Variants in MGAM2 observed in about 807,000 individuals in gnomAD.
MGAM2 encodes the protein maltase-glucoamylase 2 (putative).
MGAM2 carries 98 observed loss-of-function variants against 96.1 expected under a neutral mutation model. The ratio of observed to expected loss-of-function variants is 1.02; its 90% CI spans 0.87 to 1.21. The LOEUF is 1.21. Ranked by LOEUF, MGAM2 falls within the 50% of genes most tolerant of loss-of-function variation. The probability of loss-of-function intolerance (pLI) is 0.00; values close to 1 mark genes in which losing one functional copy is unlikely to be tolerated. For missense variants in MGAM2, 2,055 were observed against 1,182.4 expected, an observed-to-expected ratio of 1.74 and a Z score of -10.82; for synonymous variants, 749 against 414.8, an observed-to-expected ratio of 1.81 and a Z score of -9.79.
chr7:142,213,171 A>ACACATTTAAAGCAGT (rs1797644421), intron 46 of MGAM2, among the ~76,000 whole-genome samples: 1 of 152,158 alleles, frequency 6.6e-6, no homozygotes, highest in Admixed American at 6.5e-5. Flanking sequence ...AATCTCTGGG[A>ACACATTTAAAGCAGT]GTTTTCAGAG....
At chr7:142,121,535 G>A (rs1449019650) in intron 3 of MGAM2, among the ~76,000 whole-genome samples, 1 of 151,916 alleles carries the variant, frequency 6.6e-6, no homozygotes, top group Non-Finnish European at 1.5e-5. Flanking sequence ...ATGTTTTATT[G>A]CATGTGAATT....
chr7:142,138,739 T>G, intron 10 of MGAM2, 72 bp downstream of exon 10: 2 of 647,628 alleles, frequency 3.1e-6, no homozygotes, highest in Admixed American at 4.8e-5. Flanking sequence ...AAATTCAATG[T>G]ATTAGGAAAA....
intron 32 of MGAM2, among the ~76,000 whole-genome samples, chr7:142,178,994 GTTTTCC>G (rs1796459633): frequency 6.6e-6 from 1 of 151,928 alleles, no homozygotes; most frequent in Non-Finnish European, 1.5e-5. Flanking sequence ...TTGGTTAGAT[GTTTTCC>G]TAGGTATTCT....
intron 33 of MGAM2, among the ~76,000 whole-genome samples, chr7:142,184,801 T>C (rs778556551): frequency 6.6e-6 from 1 of 152,210 alleles, no homozygotes; most frequent in African/African-American, 2.4e-5. Context: ...ATCTGAGAAA[T>C]CACTCGAAAG....
intron 46 of MGAM2, among the ~76,000 whole-genome samples, chr7:142,216,816 C>T (rs1276406231): frequency 1.3e-5 from 2 of 152,198 alleles, no homozygotes; most frequent in Non-Finnish European, 2.9e-5. Flanking sequence ...TCTCTTCCTA[C>T]TGCAGCCATC....
At position 142,154,065 on chromosome 7, in the gene MGAM2, G is replaced by C; in HGVS notation, c.1682G>C (p.Arg561Pro). The change falls in exon 16 of 48, where the codon CGT becomes CCT. Residue 561 changes from arginine to proline, a missense_variant. Transcript: ENST00000477922. The stretch of plus-strand genomic sequence containing the variant: ...AATAATAGGAGCTTCATCTTATCCC[G>C]TTCTACTTTTGCTGGATCTGGCAAA... ...FMNNRSFILS[R>P]STFAGSGKFA... The C allele has an allele frequency of 1.4e-6, 1 of 694,970 alleles. No individual in the cohort carries two copies. Among genetic ancestry groups the C allele is most frequent in the Non-Finnish European group, 2.6e-6 (1 of 379,386 alleles). 43.1% of individuals were successfully genotyped at this position (694,970 alleles called of 1,614,324 possible). A position where few individuals can be genotyped will look rare whatever the true frequency, so the allele number is the denominator to read the frequency against.
At chr7:142,150,151 G>A (rs1213397256) in intron 15 of MGAM2, among the ~76,000 whole-genome samples, 3 of 151,788 alleles carry the variant, frequency 2.0e-5, no homozygotes, top group African/African-American at 7.2e-5. Context: ...ATGTTGGTCA[G>A]GCTAGTCTCA....
chr7:142,118,539 T>TGGA (rs890935074), intron 2 of MGAM2, among the ~76,000 whole-genome samples: 3 of 152,190 alleles, frequency 2.0e-5, no homozygotes, highest in Non-Finnish European at 2.9e-5. Context: ...AGATGGTTCA[T>TGGA]GGAGTCCATG....
intron 45 of MGAM2, among the ~76,000 whole-genome samples, chr7:142,207,418 A>G (rs559705926): frequency 3.3e-5 from 5 of 151,848 alleles, no homozygotes; most frequent in African/African-American, 1.2e-4. Context: ...TTATTTATTT[A>G]TTTATTTATT....
intron 6 of MGAM2, among the ~76,000 whole-genome samples, chr7:142,133,336 A>G (rs1290921388): frequency 6.7e-6 from 1 of 148,472 alleles, no homozygotes. Context: ...ATATTTATAC[A>G]CAGAAATATA....
intron 3 of MGAM2, among the ~76,000 whole-genome samples, chr7:142,127,417 C>T (rs115446000): frequency 1.6e-4 from 25 of 151,800 alleles, no homozygotes; most frequent in African/African-American, 5.8e-4. Context: ...TTTTTCATAA[C>T]ACTTCTCTTT....
At chr7:142,155,341 G>A (rs546375914) in intron 17 of MGAM2, among the ~76,000 whole-genome samples, 14 of 152,162 alleles carry the variant, frequency 9.2e-5, no homozygotes, top group South Asian at 2.1e-4. Context: ...CTTTAGGCTC[G>A]TCTACCCAAA....
At chr7:142,133,085 A>T (rs1278266700) in intron 6 of MGAM2, among the ~76,000 whole-genome samples, 1 of 133,980 alleles carries the variant, frequency 7.5e-6, no homozygotes, top group Non-Finnish European at 1.5e-5. Context: ...TATATTTAAT[A>T]TTTATTTAAT....
chr7:142,151,669 C>CT (rs1263696038), intron 15 of MGAM2, among the ~76,000 whole-genome samples: 1 of 152,146 alleles, frequency 6.6e-6, no homozygotes, highest in Non-Finnish European at 1.5e-5. Flanking sequence ...TTTCAAATTA[C>CT]TTTTTTGCCC....
intron 37 of MGAM2, among the ~76,000 whole-genome samples, chr7:142,192,990 A>G (rs1796919223): frequency 6.6e-6 from 1 of 152,140 alleles, no homozygotes; most frequent in Non-Finnish European, 1.5e-5. Flanking sequence ...AACAAACATT[A>G]GCAATATTTT....
chr7:142,220,891 C>A lies in MGAM2; in HGVS notation c.6380C>A (p.Thr2127Lys), dbSNP rs753004456. ...TVLIATTSSL[T>K]GTTDVSTSTT... ...CTTATTGCCACTACTTCTTCTCTAA[C>A]AGGTACTACTGATGTTAGCACTAGT... Residue 2127 changes from threonine to lysine, a missense_variant, in exon 48 of 48, where the codon ACA becomes AAA. Coordinates refer to ENST00000477922, the MANE Select transcript of MGAM2 (RefSeq NM_001293626.2). 16 of 701,950 alleles carry A rather than the reference C, an allele frequency of 2.3e-5. No individual in the cohort carries two copies. Among genetic ancestry groups the A allele is most frequent in the Non-Finnish European group, 3.1e-5 (12 of 384,744 alleles). 43.5% of individuals were successfully genotyped at this position (701,950 alleles called of 1,614,324 possible).
intron 7 of MGAM2, among the ~76,000 whole-genome samples, chr7:142,135,836 C>G (rs757612295): frequency 6.6e-6 from 1 of 151,492 alleles, no homozygotes; most frequent in Non-Finnish European, 1.5e-5. Context: ...CAGTTTTAAG[C>G]TTTTTTTTAA....
intron 20 of MGAM2, among the ~76,000 whole-genome samples, chr7:142,159,901 C>G (rs1554506722): frequency 6.6e-6 from 1 of 152,064 alleles, no homozygotes; most frequent in Non-Finnish European, 1.5e-5. Flanking sequence ...GGTAGCCTAG[C>G]AATTGAAGCC....
At chr7:142,147,320 T>C in intron 14 of MGAM2, 136 bp from the exon 15 acceptor site, 1 of 557,476 alleles carries the variant, frequency 1.8e-6, no homozygotes, top group Non-Finnish European at 3.2e-6. Context: ...TAGGATAGAA[T>C]TTAAAATCTG....
Sources: gnomAD v4.1 joint callset for allele counts (sites outside exome capture counted in the v4.1 genomes callset) on GRCh38, gnomAD v4.1.1 for gene constraint, MANE v1.5 for transcripts, NCBI Gene and HGNC (gene_info 2026-07-23, HGNC 2026-07-21) for gene names.